Variants in KIAA0825 observed in about 807,000 individuals in gnomAD.
KIAA0825 encodes the protein uncharacterized protein KIAA0825.
In KIAA0825, 119 loss-of-function variants were observed where a neutral mutation model predicts 147.6. The ratio of observed to expected loss-of-function variants is 0.81; its 90% CI spans 0.69 to 0.94. KIAA0825 has a LOEUF of 0.94. KIAA0825 is among the 40% of genes least tolerant of loss of function. The pLI, the probability that KIAA0825 is intolerant of heterozygous loss-of-function variation, is 0.00. For synonymous variants in KIAA0825, 470 were observed against 518.1 expected, an observed-to-expected ratio of 0.91 and a Z score of 1.26; for missense variants, 1,381 against 1,472.7, an observed-to-expected ratio of 0.94 and a Z score of 1.02.
chr5:94,475,380 G>T (rs1761750844), intron 7 of KIAA0825, among the ~76,000 whole-genome samples: 1 of 148,210 alleles, frequency 6.7e-6, no homozygotes, highest in Admixed American at 6.6e-5. Context: ...TGGCTGTATT[G>T]AATTTTTAAA....
intron 20 of KIAA0825, among the ~76,000 whole-genome samples, chr5:94,187,629 G>C (rs935056932): frequency 5.3e-5 from 8 of 151,898 alleles, no homozygotes; most frequent in African/African-American, 1.9e-4. Flanking sequence ...GTTTCTCCGT[G>C]TTAGCCAGGA....
chr5:94,181,663 C>T (rs891936842), intron 20 of KIAA0825, among the ~76,000 whole-genome samples: 23 of 151,904 alleles, frequency 1.5e-4, no homozygotes, highest in African/African-American at 5.3e-4. Flanking sequence ...CACATCCAGC[C>T]GGGAGGATAG....
At chr5:94,173,794 TTAGAGAAGTGAAG>T (rs1488429864) in intron 20 of KIAA0825, among the ~76,000 whole-genome samples, 1 of 152,086 alleles carries the variant, frequency 6.6e-6, no homozygotes, top group Non-Finnish European at 1.5e-5. Context: ...TCCACCACAC[TTAGAGAAGTGAAG>T]TAGAGACCCT....
chr5:94,288,485 T>C (rs995224085), intron 20 of KIAA0825, among the ~76,000 whole-genome samples: 33 of 152,226 alleles, frequency 2.2e-4, no homozygotes, highest in African/African-American at 7.7e-4. Flanking sequence ...GGAAGAAAGC[T>C]TTGAGTTAGA....
At chr5:94,571,201 G>T (rs1779909420) in intron 2 of KIAA0825, among the ~76,000 whole-genome samples, 1 of 152,150 alleles carries the variant, frequency 6.6e-6, no homozygotes, top group Non-Finnish European at 1.5e-5. Flanking sequence ...AGTACCAAGA[G>T]AAAATAATTT....
chr5:94,431,553 A>C (rs904889966), intron 14 of KIAA0825, among the ~76,000 whole-genome samples: 1 of 152,210 alleles, frequency 6.6e-6, no homozygotes, highest in South Asian at 2.1e-4. Context: ...GTACAGTGGG[A>C]CCTCACCCAG....
At chr5:94,206,714 C>G (rs1772234220) in intron 20 of KIAA0825, among the ~76,000 whole-genome samples, 1 of 152,160 alleles carries the variant, frequency 6.6e-6, no homozygotes, top group Admixed American at 6.5e-5. Context: ...GAAACTCACA[C>G]TATGGTTTCT....
chr5:94,410,588 A>G (rs561400214), intron 15 of KIAA0825, among the ~76,000 whole-genome samples: 3 of 152,368 alleles, frequency 2.0e-5, no homozygotes, highest in African/African-American at 7.2e-5. Flanking sequence ...AGTCCTTATC[A>G]ACTATAAAAG....
At chr5:94,364,112 C>G (rs1241545308) in intron 20 of KIAA0825, among the ~76,000 whole-genome samples, 1 of 151,718 alleles carries the variant, frequency 6.6e-6, no homozygotes, top group Non-Finnish European at 1.5e-5. Flanking sequence ...GAGACAGATA[C>G]CAAAAAGCAT....
intron 2 of KIAA0825, among the ~76,000 whole-genome samples, chr5:94,537,695 G>A (rs1379454010): frequency 6.7e-6 from 1 of 149,940 alleles, no homozygotes; most frequent in Middle Eastern, 3.5e-3. Flanking sequence ...GCAGCCCTCA[G>A]AGACTACTTA....
intron 20 of KIAA0825, among the ~76,000 whole-genome samples, chr5:94,239,867 G>A (rs1203523160): frequency 6.6e-6 from 1 of 152,112 alleles, no homozygotes; most frequent in African/African-American, 2.4e-5. Context: ...AATTTCAGAA[G>A]TAGCCTGCAA....
intron 3 of KIAA0825, among the ~76,000 whole-genome samples, chr5:94,531,869 C>G (rs886977586): frequency 1.3e-5 from 2 of 152,052 alleles, no homozygotes; most frequent in African/African-American, 4.8e-5. Flanking sequence ...ACAGTAAAAC[C>G]TTTGAAATGA....
rs537531490 is a variant in KIAA0825 at position 94,510,986 on chromosome 5, C to T, written c.970+9262G>A. Among the ~76,000 whole-genome samples the T allele has an allele frequency of 2.2e-4, 33 of 152,136 alleles. 1 individual carries two copies. In the South Asian group the frequency reaches 4.0e-3, roughly 18 times the overall value. ...AATTCTTATGTTAAAATCCTAAGCC[C>T]CAAGGTGGTGGCATTTGGAGGTAGG... On this transcript the variant is annotated intron_variant, in intron 5 of 20. Coordinates refer to ENST00000682413, the MANE Select transcript of KIAA0825 (RefSeq NM_001145678.3).
chr5:94,456,412 C>A (rs1013692893), intron 12 of KIAA0825, among the ~76,000 whole-genome samples: 2 of 152,168 alleles, frequency 1.3e-5, no homozygotes, highest in African/African-American at 4.8e-5. Flanking sequence ...CTCATCCCCC[C>A]TCTATGCCCT....
chr5:94,593,973 C>T, intron 1 of KIAA0825: 2 of 471,784 alleles, frequency 4.2e-6, no homozygotes, highest in South Asian at 1.7e-5. Flanking sequence ...CATTTAGAAT[C>T]CTTGCTATTA....
intron 2 of KIAA0825, chr5:94,570,116 A>C (rs1779649416): frequency 6.6e-6 from 1 of 152,342 alleles, no homozygotes; most frequent in Non-Finnish European, 1.5e-5. Flanking sequence ...TACAGCCTTA[A>C]CAACCCTACA....
At chr5:94,611,719 G>A (rs1414475080) in intron 1 of KIAA0825, among the ~76,000 whole-genome samples, 1 of 150,300 alleles carries the variant, frequency 6.7e-6, no homozygotes, top group Non-Finnish European at 1.5e-5. Context: ...GCCAAGGCAG[G>A]AGGATTGCTT....
intron 1 of KIAA0825, among the ~76,000 whole-genome samples, chr5:94,614,102 T>A (rs759862216): frequency 1.3e-5 from 2 of 152,152 alleles, no homozygotes; most frequent in Non-Finnish European, 2.9e-5. Context: ...TAAAATTGAA[T>A]AGCATACAGG....
At chr5:94,364,369 G>A (rs879579866) in intron 20 of KIAA0825, among the ~76,000 whole-genome samples, 2 of 151,658 alleles carry the variant, frequency 1.3e-5, no homozygotes, top group Admixed American at 1.3e-4. Context: ...TGTGATATCA[G>A]GAAATGCTTC....
Sources: allele counts gnomAD v4.1 joint callset (sites outside exome capture counted in the v4.1 genomes callset), GRCh38; gene constraint gnomAD v4.1.1; transcripts MANE v1.5; gene names NCBI Gene and HGNC (gene_info 2026-07-23, HGNC 2026-07-21).